The following ZAN variants were observed in gnomAD, a reference collection of about 807,000 sequenced individuals.
ZAN encodes the protein zonadhesin (gene/pseudogene).
Under a neutral mutation model 286.2 loss-of-function variants are expected in ZAN, and 260 were observed. The ratio of observed to expected loss-of-function variants is 0.91; its 90% CI spans 0.82 to 1.01. The LOEUF (loss-of-function observed/expected upper bound fraction) is 1.01, where lower values mean the gene tolerates loss of function less well. Ranked by LOEUF, ZAN falls within the 50% of genes least tolerant of loss-of-function variation. The pLI, the probability that ZAN is intolerant of heterozygous loss-of-function variation, is 0.00. For synonymous variants in ZAN, 1,368 were observed against 1,417.5 expected (o/e 0.97, Z 0.79); for missense variants, 3,410 against 3,639.2 (o/e 0.94, Z 1.62).
chr7:100,767,020 C>T lies in ZAN; in HGVS notation c.4623C>T (p.Thr1541=), dbSNP rs760092212. ...IYGCHAQGAA[T]CTASGDPHYL... is the part of the protein sequence containing the mutation. ...TCTTCTTCTCCACAGGTGCCGCCAC[C>T]TGCACAGCCTCGGGTGACCCCCACT... Residue 1541 remains threonine, a synonymous_variant, in exon 25 of 48, where the codon ACC becomes ACT. Transcript: ENST00000613979. The T allele has an allele frequency of 6.2e-7, 1 of 1,613,860 alleles. No homozygotes were observed. The highest frequency in any genetic ancestry group is 8.5e-7 in the Non-Finnish European group (1 of 1,179,828).
chr7:100,751,776 T>C lies in ZAN; in HGVS notation c.1671T>C (p.Thr557=). 2 of 1,610,544 alleles carry C rather than the reference T, an allele frequency of 1.2e-6. No individual in the cohort carries two copies. The highest frequency in any genetic ancestry group is 1.7e-6 in the Non-Finnish European group (2 of 1,179,122). Residue 557 remains threonine (T), a synonymous_variant, in exon 14 of 48, where the codon ACT becomes ACC. Transcript: ENST00000613979. ...PVSSTGPSET[T]GLTENPTIST... is the part of the protein sequence containing the mutation. ...CTTCCACTGGCCCTTCTGAAACCACTGGCCTCACAGAAAACCCTACAATCT... is the reference window on the plus strand; with the variant it reads ...CTTCCACTGGCCCTTCTGAAACCACCGGCCTCACAGAAAACCCTACAATCT...
At position 100,766,472 on chromosome 7, in the gene ZAN, CA is replaced by C; in HGVS notation, c.4471-49del. ...CTCTGGTGTCAGATCTGGGAAAAAA[CA>C]AAACAAAGCAAAAAAAAACACTTTC... On this transcript the variant is annotated intron_variant, in intron 23 of 47. Transcript: ENST00000613979. 2.0e-6 allele frequency: 3 copies of C among 1,500,618 alleles called. No homozygotes were observed. In the South Asian group the frequency reaches 3.8e-5, roughly 19 times the overall value. The allele number at this position is 1,500,618 out of a possible 1,614,324, so 93.0% of individuals were successfully genotyped here.
chr7:100,760,446 G>C lies in ZAN; in HGVS notation c.3752G>C (p.Gly1251Ala). Residue 1251 changes from glycine (G) to alanine (A), a missense_variant, in exon 19 of 48, where the codon GGT (glycine) becomes GCT (alanine). Around this residue, in one of 7 missense-constraint regions of ZAN, gnomAD observed 1,042 missense variants for 1,058.0 expected, o/e 0.98. Coordinates refer to ENST00000613979, the MANE Select transcript of ZAN (RefSeq NM_003386.3). Reference protein sequence around the residue: ...PAIPSKGVFLGASGRFVELQT... With the variant: ...PAIPSKGVFLAASGRFVELQT... Reference sequence around the variant, plus strand: ...ATACCCTCTAAAGGCGTCTTCCTGGGTGCAAGCGGGCGGTTTGTGGAGCTG... The same window carrying C: ...ATACCCTCTAAAGGCGTCTTCCTGGCTGCAAGCGGGCGGTTTGTGGAGCTG... 6.2e-7 allele frequency: 1 copy of C among 1,613,932 alleles called. No homozygotes were observed. Among genetic ancestry groups the C allele is most frequent in the Non-Finnish European group, 8.5e-7 (1 of 1,179,876 alleles).
In ZAN at chr7:100,779,761, CCTG is replaced by C; in HGVS notation, c.6622+15_6622+17del. On this transcript the variant is annotated intron_variant, in intron 35 of 47. Transcript: ENST00000613979. ...ACAGCAGCTTCTGCCGTGAGTGTGC[CCTG>C]CTGTCACCCCAAACCCCTCCCAAAC... 3 of 1,544,228 alleles carry C rather than the reference CCTG, an allele frequency of 1.9e-6. No individual in the cohort carries two copies. Among genetic ancestry groups the C allele is most frequent in the Non-Finnish European group, 2.6e-6 (3 of 1,144,494 alleles).
chr7:100,751,322 TTCTC>T (rs1395272018), intron 13 of ZAN, 56 bp downstream of exon 13: 2 of 1,304,524 alleles, frequency 1.5e-6, no homozygotes, highest in Non-Finnish European at 2.1e-6. Flanking sequence ...TTCCCTGGAG[TTCTC>T]TCTATGAACT....
At chr7:100,780,624 G>T (rs1364855571) in intron 35 of ZAN, among the ~76,000 whole-genome samples, 2 of 148,986 alleles carry the variant, frequency 1.3e-5, no homozygotes, top group African/African-American at 4.9e-5. Context: ...TTGCATCCCT[G>T]CACTCAAGTC....
rs1366645243 is a variant in ZAN, at chr7:100,765,516, C to T, written c.4432C>T (p.Gln1478Ter). 1 of 1,610,442 alleles carries T rather than the reference C, an allele frequency of 6.2e-7. No individual in the cohort carries two copies. Among genetic ancestry groups the T allele is most frequent in the African/African-American group, 1.3e-5 (1 of 74,872 alleles). The change falls in exon 23 of 48, where the codon CAG (glutamine) becomes TAG (stop). Residue 1478 changes from glutamine to a stop codon, truncating the protein, a stop_gained. Transcript: ENST00000613979. LOFTEE classifies it high-confidence loss of function. Reference protein sequence around the residue: ...LSGLECIPRSQCGCLHPAGSY... With the variant: ...LSGLECIPRS Reference sequence around the variant, plus strand: ...TGGCCTCGAGTGCATACCTCGCTCCCAGTGTGGGTGCCTCCACCCTGCAGG... The same window carrying T: ...TGGCCTCGAGTGCATACCTCGCTCCTAGTGTGGGTGCCTCCACCCTGCAGG...
rs1414279382 is a variant in ZAN at position 100,787,989 on chromosome 7, T to G, written c.7080T>G (p.Thr2360=). The change falls in exon 38 of 48, where the codon ACT becomes ACG. Residue 2360 remains threonine, a synonymous_variant. Coordinates refer to ENST00000613979, the MANE Select transcript of ZAN (RefSeq NM_003386.3). ...QGRMTYVLIK[T]VDVLPEGVEP... is the part of the protein sequence containing the mutation. ...GCATGACCTATGTTCTGATCAAGACTGTGGACGTACTGCCTGAGGGGGTGG... is the reference window on the plus strand; with the variant it reads ...GCATGACCTATGTTCTGATCAAGACGGTGGACGTACTGCCTGAGGGGGTGG... The G allele has an allele frequency of 6.3e-7, 1 of 1,597,520 alleles. No individual in the cohort carries two copies. Among genetic ancestry groups the G allele is most frequent in the Admixed American group, 1.7e-5 (1 of 59,028 alleles).
At chr7:100,793,353 A>T (rs1042949223) in intron 42 of ZAN, among the ~76,000 whole-genome samples, 14 of 152,106 alleles carry the variant, frequency 9.2e-5, no homozygotes, top group African/African-American at 3.1e-4. Flanking sequence ...AAAAAAATTT[A>T]AAAAAATAAA....
intron 11 of ZAN, 121 bp downstream of exon 11, chr7:100,748,591 GT>G (rs1284530235): frequency 7.4e-7 from 1 of 1,358,450 alleles, no homozygotes; most frequent in African/African-American, 1.5e-5. Context: ...GTCCACAGGT[GT>G]TTTTTCGGAA....
At chr7:100,755,536 G>T in intron 15 of ZAN, 126 bp downstream of exon 15, 1 of 1,084,322 alleles carries the variant, frequency 9.2e-7, no homozygotes, top group Non-Finnish European at 1.3e-6. Context: ...GGTCAGCTCA[G>T]AAGCAATGGT....
chr7:100,749,415 C>A (rs541260303), intron 11 of ZAN, among the ~76,000 whole-genome samples: 1 of 150,068 alleles, frequency 6.7e-6, no homozygotes, highest in East Asian at 2.0e-4. Flanking sequence ...CCAAGGAGGG[C>A]GGATCACAAG....
At chr7:100,795,477 TAACA>T in intron 45 of ZAN, 141 bp downstream of exon 45, 1 of 842,912 alleles carries the variant, frequency 1.2e-6, no homozygotes, top group Non-Finnish European at 1.5e-6. Context: ...ATTATAAACA[TAACA>T]ATTTGTAGCT....
At chr7:100,792,999 A>AAAAAAAAAAAG (rs1812099789) in intron 42 of ZAN, among the ~76,000 whole-genome samples, 1 of 142,484 alleles carries the variant, frequency 7.0e-6, no homozygotes. Flanking sequence ...AAAAAAAAAG[A>AAAAAAAAAAAG]AAGAAAGAAA....
rs2115755650 is a variant in ZAN, at chr7:100,747,659, G to A, written c.1023+18G>A. On this transcript the variant is annotated intron_variant, in intron 9 of 47. Transcript: ENST00000613979. The stretch of plus-strand genomic sequence containing the variant: ...GGATACAGGTACAGAGAAGCAAGGG[G>A]TCAGGTCCTTGCACATGGTAGGCAC... 6.2e-7 allele frequency: 1 copy of A among 1,607,364 alleles called. No individual in the cohort carries two copies. The highest frequency in any genetic ancestry group is 1.7e-5 in the Admixed American group (1 of 59,962).
chr7:100,749,439 G>C (rs1808458641), intron 11 of ZAN, among the ~76,000 whole-genome samples: 1 of 150,606 alleles, frequency 6.6e-6, no homozygotes, highest in South Asian at 2.1e-4. Flanking sequence ...AGGAGATCGA[G>C]ACCATCCTGG....
intron 35 of ZAN, among the ~76,000 whole-genome samples, chr7:100,780,892 C>T (rs1333977949): frequency 6.6e-6 from 1 of 151,728 alleles, no homozygotes; most frequent in Non-Finnish European, 1.5e-5. Flanking sequence ...GAGTTTGAGA[C>T]CAACCTGGGC....
intron 11 of ZAN, among the ~76,000 whole-genome samples, chr7:100,750,087 C>CACACACACAT (rs1554399872): frequency 1.2e-4 from 18 of 150,330 alleles, no homozygotes; most frequent in Admixed American, 4.0e-4. Context: ...CACACACACA[C>CACACACACAT]ACACACACAC....
rs547007588 is a variant in ZAN, at chr7:100,746,854, C to T, written c.931+152C>T. Among the ~76,000 whole-genome samples, 21 of 152,222 alleles carry T rather than the reference C, an allele frequency of 1.4e-4. 1 individual carries two copies. The South Asian group carries it at 4.4e-3, about 32-fold the overall frequency. On this transcript the variant is annotated intron_variant, in intron 8 of 47. Coordinates refer to ENST00000613979, the MANE Select transcript of ZAN (RefSeq NM_003386.3). ...GAAGTGGAAATCATGGCTGGGAGGGCACTTTGGGAGGCCGAGGCAGGCGGA... is the reference window on the plus strand; with the variant it reads ...GAAGTGGAAATCATGGCTGGGAGGGTACTTTGGGAGGCCGAGGCAGGCGGA...
Sources: allele counts gnomAD v4.1 joint callset (sites outside exome capture counted in the v4.1 genomes callset), GRCh38; gene constraint gnomAD v4.1.1; regional missense constraint gnomAD v4.1.1; transcripts MANE v1.5; gene names NCBI Gene and HGNC (gene_info 2026-07-23, HGNC 2026-07-21).